Variants in CPVL observed in about 807,000 individuals in gnomAD.
The protein encoded by CPVL is carboxypeptidase vitellogenic like.
CPVL carries 51 observed loss-of-function variants against 63.7 expected under a neutral mutation model. The ratio of observed to expected loss-of-function variants is 0.80; its 90% CI spans 0.64 to 1.01. The LOEUF is 1.01. Ranked by LOEUF, CPVL falls within the 50% of genes least tolerant of loss-of-function variation. The probability of loss-of-function intolerance (pLI) is 0.00; values close to 1 mark genes in which losing one functional copy is unlikely to be tolerated. For missense variants in CPVL, 530 were observed against 573.1 expected (o/e 0.92, Z 0.77); for synonymous variants, 195 against 206.0 (o/e 0.95, Z 0.46).
At chr7:29,162,465 C>T (rs761875708) in intron 5 of CPVL, among the ~76,000 whole-genome samples, 3 of 152,022 alleles carry the variant, frequency 2.0e-5, no homozygotes, top group Non-Finnish European at 4.4e-5. Flanking sequence ...AGTTCAAGAC[C>T]AGTCTGACCA....
At chr7:29,132,910 C>A (rs1790837664) in intron 1 of CPVL, among the ~76,000 whole-genome samples, 2 of 151,986 alleles carry the variant, frequency 1.3e-5, no homozygotes, top group African/African-American at 4.8e-5. Context: ...TCAGTCATAC[C>A]CAGAATTTAA....
intron 3 of CPVL, among the ~76,000 whole-genome samples, chr7:29,104,583 G>A (rs1407377149): frequency 6.6e-6 from 1 of 152,074 alleles, no homozygotes; most frequent in African/African-American, 2.4e-5. Context: ...TTTGTTTTGA[G>A]GCCTTCTTGC....
chr7:29,189,825 C>A (rs529386948), intron 1 of CPVL, among the ~76,000 whole-genome samples: 1 of 152,178 alleles, frequency 6.6e-6, no homozygotes, highest in Non-Finnish European at 1.5e-5. Context: ...GGCAATACCC[C>A]CAAGCCCCCC....
intron 1 of CPVL, among the ~76,000 whole-genome samples, chr7:29,136,743 T>A (rs900981096): frequency 1.3e-5 from 2 of 152,216 alleles, no homozygotes; most frequent in Admixed American, 1.3e-4. Flanking sequence ...AAATCAAAAG[T>A]AGTTAAGAAG....
chr7:29,173,642 T>C (rs1311983420), intron 5 of CPVL, among the ~76,000 whole-genome samples: 1 of 152,000 alleles, frequency 6.6e-6, no homozygotes, highest in Non-Finnish European at 1.5e-5. Context: ...AGGAGGGGGT[T>C]GTTGCCATGG....
intron 6 of CPVL, 100 bp from the exon 7 acceptor site, chr7:29,086,650 C>A (rs900051393): frequency 3.5e-6 from 3 of 867,666 alleles, no homozygotes; most frequent in Non-Finnish European, 5.8e-6. Flanking sequence ...CAATAGGTTT[C>A]ACACTTGAAA....
At position 29,056,171 on chromosome 7, in the gene CPVL, C is replaced by G. The variant is rs570530766; in HGVS notation, c.1137+7890G>C. The stretch of plus-strand genomic sequence containing the variant: ...CACAGCGATGTATTTGTTACACTAA[C>G]AAAGCTACACTGAAACATCATCAAA... On this transcript the variant is annotated intron_variant, in intron 11 of 12. Transcript: ENST00000265394. 1.7e-3 allele frequency among the ~76,000 whole-genome samples: 254 copies of G among 152,310 alleles called. 2 individuals carry two copies. Among genetic ancestry groups the G allele is most frequent in the South Asian group, 0.011 (53 of 4,816 alleles).
chr7:29,073,631 C>T (rs918603024), intron 7 of CPVL, among the ~76,000 whole-genome samples: 3 of 152,176 alleles, frequency 2.0e-5, no homozygotes, highest in Non-Finnish European at 4.4e-5. Context: ...TTCTCACAGG[C>T]CCCCATATGG....
At chr7:29,086,391 C>A in intron 7 of CPVL, 93 bp downstream of exon 7, 1 of 868,016 alleles carries the variant, frequency 1.2e-6, no homozygotes, top group Non-Finnish European at 1.9e-6. Flanking sequence ...CATGTATATA[C>A]ATATATAGAT....
intron 5 of CPVL, among the ~76,000 whole-genome samples, chr7:29,173,154 T>C (rs1306125101): frequency 6.9e-6 from 1 of 144,884 alleles, no homozygotes; most frequent in East Asian, 2.0e-4. Context: ...AAAAGCTGGA[T>C]GAGATAGTTT....
At chr7:29,146,762 G>GT (rs1378717928), upstream of CPVL, 1 of 1,549,160 alleles carries the variant, frequency 6.5e-7, no homozygotes, top group Non-Finnish European at 8.7e-7. Context: ...TTGTCCCTTT[G>GT]TTTTATTTTG....
At chr7:29,022,892 A>T (rs1444414655) in intron 12 of CPVL, among the ~76,000 whole-genome samples, 1 of 152,222 alleles carries the variant, frequency 6.6e-6, no homozygotes, top group Non-Finnish European at 1.5e-5. Flanking sequence ...AGGCCTAGAG[A>T]TCAATACACC....
At chr7:29,193,458 A>G (rs1268757442) in intron 1 of CPVL, 5 of 152,180 alleles carry the variant, frequency 3.3e-5, no homozygotes, top group East Asian at 1.9e-4. Flanking sequence ...AACTACCCCA[A>G]TGTGAACACT....
intron 5 of CPVL, 110 bp downstream of exon 5, chr7:29,094,974 T>C: frequency 2.5e-6 from 2 of 798,556 alleles, no homozygotes; most frequent in South Asian, 3.3e-5. Flanking sequence ...TTAAATTCTA[T>C]TTTCAAAAGG....
At chr7:29,190,060 C>T (rs1232362342) in intron 1 of CPVL, among the ~76,000 whole-genome samples, 2 of 152,232 alleles carry the variant, frequency 1.3e-5, no homozygotes, top group Non-Finnish European at 2.9e-5. Context: ...CTGTGCACCT[C>T]CTGAGGAAAC....
intron 1 of CPVL, among the ~76,000 whole-genome samples, chr7:29,186,736 T>G (rs947637593): frequency 1.3e-5 from 2 of 152,142 alleles, no homozygotes; most frequent in Non-Finnish European, 2.9e-5. Context: ...AGGAAAATAC[T>G]TACCATAACA....
At chr7:29,049,337 C>T (rs1476232355) in intron 11 of CPVL, among the ~76,000 whole-genome samples, 1 of 152,032 alleles carries the variant, frequency 6.6e-6, no homozygotes, top group Non-Finnish European at 1.5e-5. Context: ...GGAGACATTA[C>T]AACCAACACC....
upstream of CPVL, among the ~76,000 whole-genome samples, chr7:29,151,418 C>T (rs76536060): frequency 7.9e-5 from 12 of 152,210 alleles, no homozygotes; most frequent in East Asian, 1.5e-3. Context: ...AGTTTCCCTT[C>T]GGCTATGGAA....
chr7:29,166,134 G>A (rs1301813049), intron 5 of CPVL, among the ~76,000 whole-genome samples: 1 of 152,028 alleles, frequency 6.6e-6, no homozygotes, highest in Non-Finnish European at 1.5e-5. Flanking sequence ...GGGCTCAAGT[G>A]ACCCTCCTGC....
Sources: gnomAD v4.1 joint callset for allele counts (sites outside exome capture counted in the v4.1 genomes callset) on GRCh38, gnomAD v4.1.1 for gene constraint, MANE v1.5 for transcripts, NCBI Gene and HGNC (gene_info 2026-07-23, HGNC 2026-07-21) for gene names.